TET3: variants seen among roughly 807,000 people sequenced by gnomAD.
The protein encoded by TET3 is tet methylcytosine dioxygenase 3.
TET3 carries 19 observed loss-of-function variants against 141.4 expected under a neutral mutation model. The observed-to-expected ratio is 0.13, with a 90% confidence interval of 0.09 to 0.20. TET3 has a LOEUF of 0.20. Among genes scored for constraint, TET3 ranks in the 10% least tolerant of loss-of-function variants. The pLI, the probability that TET3 is intolerant of heterozygous loss-of-function variation, is 1.00. For missense variants in TET3, 1,874 were observed against 2,356.9 expected (o/e 0.80, Z 4.24); for synonymous variants, 1,043 against 980.9 (o/e 1.06, Z -1.18).
the TET3 span, among the ~76,000 whole-genome samples, chr2:74,117,935 G>A: frequency 0.22 from 33,230 of 151,738 alleles, 4,126 homozygotes; most frequent in East Asian, 0.49. Context: ...TAGTAGTGAC[G>A]GGGTTTCACC....
Position 74,087,053 on chromosome 2 carries a change from G to A in TET3, c.2680-777G>A, listed in dbSNP as rs1383605660. ...AATGGAACTGTTCTGGGTGTCTCATGTCAGTGGAATCATGTACTATGTGTC... is the reference window on the plus strand; with the variant it reads ...AATGGAACTGTTCTGGGTGTCTCATATCAGTGGAATCATGTACTATGTGTC... On this transcript the variant is annotated intron_variant, in intron 6 of 11. Coordinates refer to ENST00000409262, the MANE Select transcript of TET3 (RefSeq NM_001287491.2). This position sits in a 1 kb window ranked among gnomAD's most constrained non-coding sequence, Gnocchi z 4.3. 6.6e-6 allele frequency among the ~76,000 whole-genome samples: 1 copy of A among 152,106 alleles called. No individual in the cohort carries two copies. Among genetic ancestry groups the A allele is most frequent in the South Asian group, 2.1e-4 (1 of 4,828 alleles).
At chr2:74,058,420 A>C (rs1474695811) in intron 4 of TET3, among the ~76,000 whole-genome samples, 1 of 152,140 alleles carries the variant, frequency 6.6e-6, no homozygotes, top group Non-Finnish European at 1.5e-5. Flanking sequence ...TGAAGTGAAA[A>C]GGTGTTATAA....
intron 3 of TET3, among the ~76,000 whole-genome samples, chr2:74,021,988 G>A (rs576638600): frequency 4.0e-5 from 6 of 151,280 alleles, no homozygotes; most frequent in East Asian, 3.9e-4. Flanking sequence ...AAAATTCACT[G>A]TAGAAAAATC....
chr2:74,009,348 C>A (rs935702587), intron 3 of TET3, among the ~76,000 whole-genome samples: 8 of 152,198 alleles, frequency 5.3e-5, no homozygotes, highest in Non-Finnish European at 1.2e-4. Context: ...CATAGACCAA[C>A]TTTCTCTACT....
chr2:73,987,338 T>G (rs1031051826), intron 2 of TET3, among the ~76,000 whole-genome samples: 1 of 152,234 alleles, frequency 6.6e-6, no homozygotes, highest in Non-Finnish European at 1.5e-5. Context: ...ATTGCATGAA[T>G]GGATGACATG....
chr2:74,022,779 T>A (rs1686124503), intron 3 of TET3, among the ~76,000 whole-genome samples: 1 of 152,080 alleles, frequency 6.6e-6, no homozygotes, highest in South Asian at 2.1e-4. Context: ...TGCTTTTTAT[T>A]TTTTTTATTT....
At chr2:74,130,020 G>A in the TET3 span, among the ~76,000 whole-genome samples, 1,516 of 151,774 alleles carry the variant, frequency 1.0e-2, 25 homozygotes, top group African/African-American at 0.035. Flanking sequence ...GCTTGTACCC[G>A]GGAGGCAGAG....
intron 5 of TET3, among the ~76,000 whole-genome samples, chr2:74,078,363 T>C (rs1428972410): frequency 3.9e-5 from 6 of 152,226 alleles, no homozygotes; most frequent in Non-Finnish European, 7.3e-5. Context: ...ATAAATGTAT[T>C]AATATGTATA....
the TET3 span, among the ~76,000 whole-genome samples, chr2:74,122,796 G>C: frequency 1.4e-5 from 2 of 146,766 alleles, no homozygotes; most frequent in South Asian, 2.2e-4. Context: ...CTGACCCTGT[G>C]ATCGGCCTGC....
intron 2 of TET3, among the ~76,000 whole-genome samples, chr2:73,990,441 A>C (rs1684266067): frequency 6.6e-6 from 1 of 152,178 alleles, no homozygotes; most frequent in African/African-American, 2.4e-5. Flanking sequence ...AGCCAGGCAG[A>C]GGGAGGGAGG....
At chr2:74,080,775 TC>T (rs1689771783) in intron 6 of TET3, among the ~76,000 whole-genome samples, 184 bp downstream of exon 6, 1 of 152,048 alleles carries the variant, frequency 6.6e-6, no homozygotes, top group East Asian at 1.9e-4. Flanking sequence ...GGAATCTGGC[TC>T]AGGGTTAGGG....
At chr2:74,054,751 C>T (rs566813846) in intron 4 of TET3, among the ~76,000 whole-genome samples, 147 of 152,250 alleles carry the variant, frequency 9.7e-4, no homozygotes, top group African/African-American at 3.2e-3. Flanking sequence ...GTTTCAAGGT[C>T]GGGAGGGCTA....
At chr2:74,032,560 A>G (rs1000132906) in intron 3 of TET3, among the ~76,000 whole-genome samples, 1 of 142,374 alleles carries the variant, frequency 7.0e-6, no homozygotes, top group African/African-American at 2.7e-5. Flanking sequence ...CCTCCGCGTC[A>G]TGACCTGGTT....
Position 74,100,973 on chromosome 2 carries a change from C to T in TET3, c.4185C>T (p.Ser1395=). ...AGAGCTCCAACTGCTACAACAGATCCATCAAGCAAGAGCCAGTAGACCCGC... is the reference window on the plus strand; with the variant it reads ...AGAGCTCCAACTGCTACAACAGATCTATCAAGCAAGAGCCAGTAGACCCGC... ...FAQSSNCYNR[S]IKQEPVDPLT... The change falls in exon 12 of 12, where the codon TCC becomes TCT. Residue 1395 remains serine (S), a synonymous_variant. Coordinates refer to ENST00000409262, the MANE Select transcript of TET3 (RefSeq NM_001287491.2). 1.9e-6 allele frequency: 3 copies of T among 1,612,228 alleles called. No individual in the cohort carries two copies. Among genetic ancestry groups the T allele is most frequent in the East Asian group, 2.2e-5 (1 of 44,822 alleles).
intron 3 of TET3, among the ~76,000 whole-genome samples, chr2:74,005,876 G>T (rs1050317174): frequency 1.3e-5 from 2 of 152,204 alleles, no homozygotes; most frequent in African/African-American, 4.8e-5. Flanking sequence ...ACATGCTATA[G>T]CAGACACTGT....
At chr2:74,115,460 T>C in the TET3 span, among the ~76,000 whole-genome samples, 1,879 of 152,208 alleles carry the variant, frequency 0.012, 37 homozygotes, top group African/African-American at 0.043. Flanking sequence ...AAATTACCTA[T>C]TGGGGACAAT....
intron 3 of TET3, among the ~76,000 whole-genome samples, chr2:74,018,655 C>A (rs551380138): frequency 6.6e-6 from 1 of 152,066 alleles, no homozygotes; most frequent in African/African-American, 2.4e-5. Context: ...CTTTTTACTT[C>A]CATTGACTTA....
intron 3 of TET3, among the ~76,000 whole-genome samples, chr2:74,045,300 A>C (rs979534923): frequency 3.3e-5 from 5 of 152,172 alleles, no homozygotes; most frequent in African/African-American, 1.2e-4. Flanking sequence ...GTAATTTTAG[A>C]GATGCTTTGA....
At chr2:74,067,520 G>T (rs1007276818) in intron 4 of TET3, among the ~76,000 whole-genome samples, 1 of 152,198 alleles carries the variant, frequency 6.6e-6, no homozygotes, top group Non-Finnish European at 1.5e-5. Flanking sequence ...CCGTCTGCAA[G>T]ATCAGTATTT....
Sources: allele counts gnomAD v4.1 joint callset (sites outside exome capture counted in the v4.1 genomes callset), GRCh38; gene constraint gnomAD v4.1.1; non-coding constraint Gnocchi (gnomAD v3.1); transcripts MANE v1.5; gene names NCBI Gene and HGNC (gene_info 2026-07-23, HGNC 2026-07-21).